Variants in ROBO1 observed in about 807,000 individuals in gnomAD.
ROBO1 encodes the protein roundabout homolog 1.
ROBO1 carries 149 observed loss-of-function variants against 195.9 expected under a neutral mutation model. The observed-to-expected ratio is 0.76, with a 90% CI of 0.67 to 0.87. The LOEUF is 0.87. Among genes scored for constraint, ROBO1 ranks in the 40% least tolerant of loss-of-function variants. The pLI is 0.00. For synonymous variants in ROBO1, 816 were observed against 733.2 expected (o/e 1.11, Z -1.82); for missense variants, 1,933 against 2,068.3 (o/e 0.93, Z 1.27).
rs116710057 is a variant in ROBO1, at chr3:79,072,019, A to G, written c.172+53437T>C. Among the ~76,000 whole-genome samples, 742 of 152,036 alleles carry G rather than the reference A, an allele frequency of 4.9e-3. 5 individuals carry two copies. The highest frequency in any genetic ancestry group is 0.015 in the African/African-American group (620 of 41,532). On this transcript the variant is annotated intron_variant, in intron 3 of 30. Coordinates refer to ENST00000464233, the MANE Select transcript of ROBO1 (RefSeq NM_002941.4). ...AAAATCTCTTAAGGGTTTACTCCAAAGAAAGACATTTTTTAAAAGAAGGCT... is the reference window on the plus strand; with the variant it reads ...AAAATCTCTTAAGGGTTTACTCCAAGGAAAGACATTTTTTAAAAGAAGGCT...
chr3:79,169,505 G>A (rs184797920), intron 2 of ROBO1, among the ~76,000 whole-genome samples: 1 of 152,058 alleles, frequency 6.6e-6, no homozygotes, highest in Non-Finnish European at 1.5e-5. Context: ...ATTTTCAAAT[G>A]AAATCCAGAT....
chr3:79,261,996 A>G (rs1424567537), intron 2 of ROBO1, among the ~76,000 whole-genome samples: 1 of 152,034 alleles, frequency 6.6e-6, no homozygotes, highest in Admixed American at 6.6e-5. Flanking sequence ...GAATTATGGG[A>G]GGCAAAATTG....
At chr3:78,714,963 G>A (rs2081863516) in intron 7 of ROBO1, 1 of 152,794 alleles carries the variant, frequency 6.5e-6, no homozygotes, top group East Asian at 1.9e-4. Context: ...AAAGGAACTT[G>A]GCCTTGGTCC....
chr3:78,908,027 A>C (rs1028472535), intron 4 of ROBO1, among the ~76,000 whole-genome samples: 1 of 151,962 alleles, frequency 6.6e-6, no homozygotes, highest in South Asian at 2.1e-4. Context: ...TAAAATAGTA[A>C]ATTGTATAAA....
chr3:79,150,196 GT>G (rs1202174258), intron 2 of ROBO1, among the ~76,000 whole-genome samples: 3 of 150,278 alleles, frequency 2.0e-5, no homozygotes, highest in Admixed American at 1.3e-4. Flanking sequence ...GGGGGTGGTG[GT>G]TTGCCTTGTG....
At chr3:79,166,122 C>T (rs2081058542) in intron 2 of ROBO1, among the ~76,000 whole-genome samples, 1 of 152,178 alleles carries the variant, frequency 6.6e-6, no homozygotes, top group Admixed American at 6.5e-5. Flanking sequence ...AATGTGTCTT[C>T]TACTGGTTCT....
chr3:78,926,646 T>A (rs1045883621), intron 4 of ROBO1, among the ~76,000 whole-genome samples: 1 of 152,070 alleles, frequency 6.6e-6, no homozygotes, highest in Non-Finnish European at 1.5e-5. Flanking sequence ...GAGCTGAGTA[T>A]AGAGGTTCAG....
chr3:79,018,635 T>C (rs2078018383), intron 3 of ROBO1: 1 of 1,437,690 alleles, frequency 7.0e-7, no homozygotes, highest in Admixed American at 2.5e-5. Context: ...CGCTTGTCAG[T>C]ATCTCAGAGA....
chr3:79,735,640 G>A (rs923467230), intron 1 of ROBO1, among the ~76,000 whole-genome samples: 2 of 152,186 alleles, frequency 1.3e-5, no homozygotes, highest in Admixed American at 6.5e-5. Context: ...GGAGGCCGAG[G>A]CGGGTGGATC....
Position 79,457,313 on chromosome 3 carries a change from T to C in ROBO1, c.88+132511A>G, listed in dbSNP as rs139006903. Reference sequence around the variant, plus strand: ...TGTTTTACCATACTGTTATTAGTTATAAATGTTGCTTTCATGTAATGAATA... The same window carrying C: ...TGTTTTACCATACTGTTATTAGTTACAAATGTTGCTTTCATGTAATGAATA... On this transcript the variant is annotated intron_variant, in intron 2 of 30. Transcript: ENST00000464233. Among the ~76,000 whole-genome samples, 584 of 152,274 alleles carry C rather than the reference T, an allele frequency of 3.8e-3. 2 individuals carry two copies. Among genetic ancestry groups the C allele is most frequent in the African/African-American group, 0.013 (559 of 41,562 alleles).
At chr3:79,397,511 C>T (rs1377106431) in intron 2 of ROBO1, among the ~76,000 whole-genome samples, 2 of 152,230 alleles carry the variant, frequency 1.3e-5, no homozygotes, top group East Asian at 3.9e-4. Flanking sequence ...AGCTTTAGTT[C>T]AGTGATGAGA....
At chr3:79,537,711 A>C (rs1941924213) in intron 2 of ROBO1, among the ~76,000 whole-genome samples, 1 of 151,904 alleles carries the variant, frequency 6.6e-6, no homozygotes, top group Non-Finnish European at 1.5e-5. Flanking sequence ...TAGGGAGGGG[A>C]ACATCACACA....
At chr3:79,429,445 C>A (rs997602863) in intron 2 of ROBO1, among the ~76,000 whole-genome samples, 1 of 152,040 alleles carries the variant, frequency 6.6e-6, no homozygotes, top group Non-Finnish European at 1.5e-5. Context: ...ACTCAGGTTC[C>A]GGGTCAGCAA....
At chr3:79,748,932 C>T (rs1231448509) in intron 1 of ROBO1, among the ~76,000 whole-genome samples, 1 of 152,068 alleles carries the variant, frequency 6.6e-6, no homozygotes, top group African/African-American at 2.4e-5. Context: ...TAAATGAGTA[C>T]AGTGGGGTCC....
intron 1 of ROBO1, among the ~76,000 whole-genome samples, chr3:79,616,981 G>A (rs1219023168): frequency 1.3e-5 from 2 of 152,164 alleles, no homozygotes; most frequent in African/African-American, 4.8e-5. Context: ...GGTAGCTGCA[G>A]TTCAAGCATT....
At chr3:78,884,623 G>A (rs963007851) in intron 4 of ROBO1, among the ~76,000 whole-genome samples, 13 of 96,550 alleles carry the variant, frequency 1.3e-4, no homozygotes, top group Non-Finnish European at 1.9e-4. Context: ...GAAAGAAAGA[G>A]AGAAAGAAAG....
intron 2 of ROBO1, among the ~76,000 whole-genome samples, chr3:79,204,910 T>C (rs1345819008): frequency 1.3e-5 from 2 of 151,968 alleles, no homozygotes; most frequent in African/African-American, 4.8e-5. Context: ...TTGTTTTTGT[T>C]TTTGTTTTGT....
intron 2 of ROBO1, among the ~76,000 whole-genome samples, chr3:79,256,981 A>G (rs933379138): frequency 6.6e-6 from 1 of 152,298 alleles, no homozygotes; most frequent in Admixed American, 6.5e-5. Flanking sequence ...AAATCAGTTA[A>G]TATACCTAAA....
intron 1 of ROBO1, among the ~76,000 whole-genome samples, chr3:79,661,975 T>C: frequency 6.6e-6 from 1 of 152,058 alleles, no homozygotes; most frequent in East Asian, 1.9e-4. Context: ...CCTCTTTCTC[T>C]GAAAACTGTT....
Sources: gnomAD v4.1 joint callset for allele counts (sites outside exome capture counted in the v4.1 genomes callset) on GRCh38, gnomAD v4.1.1 for gene constraint, MANE v1.5 for transcripts, NCBI Gene and HGNC (gene_info 2026-07-23, HGNC 2026-07-21) for gene names.